Variants in OTOG observed in about 807,000 individuals in gnomAD.
OTOG encodes the protein otogelin.
Under a neutral mutation model 313.8 loss-of-function variants are expected in OTOG, and 296 were observed. The observed-to-expected ratio is 0.94, with a 90% CI of 0.86 to 1.04. The LOEUF is 1.04. OTOG is among the 50% of genes least tolerant of loss of function. OTOG has a pLI of 0.00. For missense variants in OTOG, 3,948 were observed against 3,840.1 expected (o/e 1.03, Z -0.74); for synonymous variants, 1,533 against 1,554.9 (o/e 0.99, Z 0.33).
chr11:17,611,841 T>C (rs1853558629), intron 36 of OTOG, among the ~76,000 whole-genome samples: 1 of 152,172 alleles, frequency 6.6e-6, no homozygotes, highest in African/African-American at 2.4e-5. Context: ...TGTGTTTGTG[T>C]GTATAGGCTT....
chr11:17,631,572 C>T (rs1001087651), intron 40 of OTOG, 130 bp from the exon 41 acceptor site: 1 of 752,450 alleles, frequency 1.3e-6, no homozygotes, highest in Non-Finnish European at 2.2e-6. Flanking sequence ...ACCTAATTTC[C>T]CTCACCTATA....
chr11:17,572,063 C>T lies in OTOG; in HGVS notation c.1956-17C>T. 6.5e-7 allele frequency: 1 copy of T among 1,550,262 alleles called. No individual in the cohort carries two copies. On this transcript the variant is annotated splice_polypyrimidine_tract_variant and intron_variant, in intron 17 of 55. Transcript: ENST00000399397. Reference sequence around the variant, plus strand: ...CACAGGGGCAAGTGTGTGAATATGGCTGTGACATGGCTGCAGGTCTCCAGT... The same window carrying T: ...CACAGGGGCAAGTGTGTGAATATGGTTGTGACATGGCTGCAGGTCTCCAGT...
intron 33 of OTOG, among the ~76,000 whole-genome samples, chr11:17,607,712 G>A (rs145525251): frequency 2.5e-3 from 388 of 152,348 alleles, no homozygotes; most frequent in African/African-American, 8.8e-3. Flanking sequence ...AGAGGGCTGA[G>A]TCGGGGGAAT....
At position 17,574,777 on chromosome 11, in the gene OTOG, C is replaced by T. The variant is rs1159363129; in HGVS notation, c.2351C>T (p.Thr784Ile). The T allele has an allele frequency of 1.9e-6, 3 of 1,550,726 alleles. No individual in the cohort carries two copies. Among genetic ancestry groups the T allele is most frequent in the Middle Eastern group, 1.7e-4 (1 of 5,992 alleles). The change falls in exon 20 of 56, where the codon ACC becomes ATC. Residue 784 changes from threonine to isoleucine, a missense_variant. Physicochemically the swap from Thr to Ile is moderately conservative, Grantham distance 89. Coordinates refer to ENST00000399397, the MANE Select transcript of OTOG (RefSeq NM_001292063.2). ...CCCTGCGTGGCCCCGTGTGGACGTA[C>T]CTGCCAGGACCTGGCCAGCCCTGAG... ...YSPCVAPCGR[T>I]CQDLASPEAC... is the part of the protein sequence containing the mutation.
intron 32 of OTOG, among the ~76,000 whole-genome samples, chr11:17,603,487 C>T (rs1167935346): frequency 2.0e-5 from 3 of 152,134 alleles, no homozygotes; most frequent in Non-Finnish European, 4.4e-5. Flanking sequence ...AGCAGAACCC[C>T]GGAGTCACCT....
In OTOG at chr11:17,557,291, C is replaced by G. The variant is rs781314059; in HGVS notation, c.833C>G (p.Ala278Gly). 1.5e-5 allele frequency: 23 copies of G among 1,550,420 alleles called. No individual in the cohort carries two copies. The highest frequency in any genetic ancestry group is 1.7e-6 in the Non-Finnish European group (2 of 1,147,006). ...CATGGGCTGTGTGGGAACAACAATGCTGACCCCAAGGATGATCTGGTGACC... is the reference window on the plus strand; with the variant it reads ...CATGGGCTGTGTGGGAACAACAATGGTGACCCCAAGGATGATCTGGTGACC... ...WTHGLCGNNN[A>G]DPKDDLVTSS... is the part of the protein sequence containing the mutation. The change falls in exon 8 of 56, where the codon GCT (alanine) becomes GGT (glycine). Residue 278 changes from alanine (A) to glycine (G), a missense_variant. Ala to Gly is a moderately conservative substitution (Grantham distance 60). Transcript: ENST00000399397.
At chr11:17,552,552 C>T in intron 4 of OTOG, among the ~76,000 whole-genome samples, 1 of 151,576 alleles carries the variant, frequency 6.6e-6, no homozygotes, top group Non-Finnish European at 1.5e-5. Flanking sequence ...CTGTGTCCCC[C>T]ACCTGTCCTG....
At chr11:17,616,112 TGTG>T (rs955379813) in intron 39 of OTOG, among the ~76,000 whole-genome samples, 16 of 151,848 alleles carry the variant, frequency 1.1e-4, no homozygotes, top group African/African-American at 3.6e-4. Context: ...TAGACTAGAG[TGTG>T]GTGGTGCAAT....
rs146807924 is a variant in OTOG at position 17,597,148 on chromosome 11, T to C, written c.3682+141T>C. The C allele has an allele frequency of 1.3e-3, 1,464 of 1,139,796 alleles. 3 individuals carry two copies. Among genetic ancestry groups the C allele is most frequent in the Middle Eastern group, 6.9e-3 (23 of 3,310 alleles). 70.6% of individuals were successfully genotyped at this position (1,139,796 alleles called of 1,614,324 possible). A position where few individuals can be genotyped will look rare whatever the true frequency, so the allele number is the denominator to read the frequency against. ...CCAACTGCTTTGGGCGTGTTATTCA[T>C]TGAATTCTTACAACTACCCTTTGAA... On this transcript the variant is annotated intron_variant, in intron 30 of 55. Transcript: ENST00000399397.
Position 17,633,779 on chromosome 11 carries a change from A to G in OTOG, c.7172A>G (p.Glu2391Gly). Residue 2391 changes from glutamate to glycine, a missense_variant, in exon 43 of 56, where the codon GAG becomes GGG. Physicochemically the swap from Glu to Gly is moderately conservative, Grantham distance 98 (BLOSUM62 -2). Coordinates refer to ENST00000399397, the MANE Select transcript of OTOG (RefSeq NM_001292063.2). The stretch of plus-strand genomic sequence containing the variant: ...GGGATACTAGGGCCTCTGGACCCAG[A>G]GCACTGCCAGGTGCTGGGCGAGGGC... ...QDGILGPLDP[E>G]HCQVLGEGCV... 1.3e-6 allele frequency: 2 copies of G among 1,550,494 alleles called. No individual in the cohort carries two copies. The highest frequency in any genetic ancestry group is 1.2e-5 in the South Asian group (1 of 84,054).
intron 38 of OTOG, among the ~76,000 whole-genome samples, 170 bp from the exon 39 acceptor site, chr11:17,613,442 C>T (rs1345366373): frequency 2.7e-5 from 4 of 149,140 alleles, no homozygotes; most frequent in East Asian, 2.0e-4. Flanking sequence ...CAGATGGAGC[C>T]GCAACAGTTC....
chr11:17,604,765 G>T (rs1242971435), intron 32 of OTOG, among the ~76,000 whole-genome samples: 3 of 152,224 alleles, frequency 2.0e-5, no homozygotes, highest in Non-Finnish European at 4.4e-5. Flanking sequence ...GCTGCTGAAT[G>T]AAGATATTTT....
intron 51 of OTOG, 82 bp downstream of exon 51, chr11:17,641,173 C>A: frequency 7.1e-7 from 1 of 1,405,294 alleles, no homozygotes; most frequent in Non-Finnish European, 9.6e-7. Context: ...GCCAGAGGGG[C>A]CCTTGAAGCT....
chr11:17,556,243 C>T (rs1852054998), intron 7 of OTOG, among the ~76,000 whole-genome samples: 1 of 152,206 alleles, frequency 6.6e-6, no homozygotes, highest in Admixed American at 6.5e-5. Context: ...TCTACCTCCT[C>T]TCAGCAGATT....
rs568257633 is a variant in OTOG, at chr11:17,607,187, C to T, written c.4156+1052C>T. ...TTGTGCTGGCACATAGTAGGTGCTC[C>T]CCAAATGTAAGTTAGACTTTTGGAA... is the stretch of plus-strand genomic sequence containing the variant. On this transcript the variant is annotated intron_variant, in intron 33 of 55. Transcript: ENST00000399397. 2.0e-5 allele frequency among the ~76,000 whole-genome samples: 3 copies of T among 152,324 alleles called. No homozygotes were observed. In the East Asian group the frequency reaches 5.8e-4, roughly 29 times the overall value.
chr11:17,633,682 T>C lies in OTOG; in HGVS notation c.7075T>C (p.Phe2359Leu). 1 of 1,530,536 alleles carries C rather than the reference T, an allele frequency of 6.5e-7. No individual in the cohort carries two copies. Among genetic ancestry groups the C allele is most frequent in the Non-Finnish European group, 8.8e-7 (1 of 1,136,468 alleles). The allele number at this position is 1,530,536 out of a possible 1,614,324, so 94.8% of individuals were successfully genotyped here. The change falls in exon 43 of 56, where the codon TTC becomes CTC. Residue 2359 changes from phenylalanine (F) to leucine (L), a missense_variant and splice_region_variant. Physicochemically the swap from Phe to Leu is conservative, Grantham distance 22. Coordinates refer to ENST00000399397, the MANE Select transcript of OTOG (RefSeq NM_001292063.2). ...TGGTGCCCACTGTGCCCCTGCAGCC[T>C]TCCTGTGCTCCAGCGACTCCACATA... ...IEWRRSDYCP[F>L]LCSSDSTYQA... is the part of the protein sequence containing the mutation.
At chr11:17,604,744 A>G (rs1283243473) in intron 32 of OTOG, among the ~76,000 whole-genome samples, 3 of 152,226 alleles carry the variant, frequency 2.0e-5, no homozygotes. Flanking sequence ...GCAGGCACTC[A>G]GTAAATATTT....
intron 36 of OTOG, 31 bp from the exon 37 acceptor site, chr11:17,612,131 G>A (rs759686689): frequency 6.5e-7 from 1 of 1,547,938 alleles, no homozygotes; most frequent in South Asian, 1.2e-5. Flanking sequence ...CTCCTTGATG[G>A]TCACTCACAC....
In OTOG at chr11:17,634,885, C is replaced by G. The variant is rs1430372915; in HGVS notation, c.7522C>G (p.Arg2508Gly). ...TLCEGLAPTC[R>G]PGHRLLTHFQ... The stretch of plus-strand genomic sequence containing the variant: ...GTGTGAGGGTCTCGCCCCCACATGC[C>G]GCCCAGGCCACCGCCTCCTCACCCA... Residue 2508 changes from arginine (R) to glycine (G), a missense_variant, in exon 45 of 56, where the codon CGC becomes GGC. Physicochemically the swap from Arg to Gly is moderately radical, Grantham distance 125. Coordinates refer to ENST00000399397, the MANE Select transcript of OTOG (RefSeq NM_001292063.2). 1 of 1,549,458 alleles carries G rather than the reference C, an allele frequency of 6.5e-7. No homozygotes were observed. The highest frequency in any genetic ancestry group is 2.0e-5 in the Admixed American group (1 of 50,970).
Sources: allele counts gnomAD v4.1 joint callset (sites outside exome capture counted in the v4.1 genomes callset), GRCh38; gene constraint gnomAD v4.1.1; transcripts MANE v1.5; gene names NCBI Gene and HGNC (gene_info 2026-07-23, HGNC 2026-07-21).